Variants in LRRC28 observed in about 807,000 individuals in gnomAD.
The protein encoded by LRRC28 is leucine-rich repeat-containing protein 28.
LRRC28 carries 39 observed loss-of-function variants against 45.7 expected under a neutral mutation model. That is an observed-to-expected ratio of 0.85 (90% confidence interval 0.66 to 1.12). LRRC28 has a LOEUF of 1.12. Ranked by LOEUF, LRRC28 falls within the 50% of genes most tolerant of loss-of-function variation. The pLI, the probability that LRRC28 is intolerant of heterozygous loss-of-function variation, is 0.00. For missense variants in LRRC28, 435 were observed against 438.5 expected (o/e 0.99, Z 0.07); for synonymous variants, 206 against 178.8 (o/e 1.15, Z -1.22).
At chr15:99,346,983 A>C (rs1051300574) in intron 6 of LRRC28, among the ~76,000 whole-genome samples, 5 of 152,212 alleles carry the variant, frequency 3.3e-5, no homozygotes, top group African/African-American at 9.6e-5. Flanking sequence ...TACTGTAGAC[A>C]AACAAATGAA....
intron 3 of LRRC28, among the ~76,000 whole-genome samples, chr15:99,279,428 A>G (rs1184649288): frequency 1.3e-5 from 2 of 152,184 alleles, no homozygotes; most frequent in Non-Finnish European, 1.5e-5. Context: ...AATTTGTTTC[A>G]GTTTACAGTG....
intron 5 of LRRC28, among the ~76,000 whole-genome samples, chr15:99,304,759 C>A (rs1955119878): frequency 6.6e-6 from 1 of 152,028 alleles, no homozygotes; most frequent in Admixed American, 6.6e-5. Context: ...ATATATATTT[C>A]TTTATGTGTG....
chr15:99,378,695 T>TTATG (rs1419443629), intron 9 of LRRC28, among the ~76,000 whole-genome samples: 1 of 152,218 alleles, frequency 6.6e-6, no homozygotes, highest in Non-Finnish European at 1.5e-5. Flanking sequence ...ATAGCTCTTA[T>TTATG]TATTTTGAGA....
In LRRC28 at chr15:99,352,429, G is replaced by C. The variant is rs750885515; in HGVS notation, c.653G>C (p.Gly218Ala). ...VYVDNNIHLK[G>A]LPSYLYNKVI... ...GTGGATAACAACATTCACCTGAAAGGCTTGCCATCTTATCTGTACAATAAA... is the reference window on the plus strand; with the variant it reads ...GTGGATAACAACATTCACCTGAAAGCCTTGCCATCTTATCTGTACAATAAA... Residue 218 changes from glycine to alanine, a missense_variant, in exon 7 of 10, where the codon GGC becomes GCC. Physicochemically the swap from Gly to Ala is moderately conservative, Grantham distance 60. Transcript: ENST00000301981. 3.7e-6 allele frequency: 6 copies of C among 1,614,014 alleles called. No individual in the cohort carries two copies. Among genetic ancestry groups the C allele is most frequent in the Non-Finnish European group, 5.1e-6 (6 of 1,180,012 alleles).
chr15:99,304,465 C>T lies in LRRC28; in HGVS notation c.385+16514C>T, dbSNP rs374645845. Among the ~76,000 whole-genome samples, 3 of 151,578 alleles carry T rather than the reference C, an allele frequency of 2.0e-5. No individual in the cohort carries two copies. In the East Asian group the frequency reaches 5.8e-4, roughly 29 times the overall value. ...TTTTTTTTCAAGACAGGGTCTTACT[C>T]TGTCACCCAGGCTGGGGTGCAGTGA... On this transcript the variant is annotated intron_variant, in intron 5 of 9. Transcript: ENST00000301981.
intron 5 of LRRC28, among the ~76,000 whole-genome samples, chr15:99,293,271 A>G (rs1201963088): frequency 6.6e-6 from 1 of 152,062 alleles, no homozygotes; most frequent in Non-Finnish European, 1.5e-5. Context: ...ACTCCATTAG[A>G]TAATATTATT....
chr15:99,314,943 G>T (rs1955542730), intron 5 of LRRC28, among the ~76,000 whole-genome samples: 1 of 152,142 alleles, frequency 6.6e-6, no homozygotes, highest in Non-Finnish European at 1.5e-5. Context: ...ATCTTTGGTT[G>T]TAGCTTTCTC....
chr15:99,308,014 G>C (rs532684264), intron 5 of LRRC28, among the ~76,000 whole-genome samples: 4 of 152,308 alleles, frequency 2.6e-5, no homozygotes, highest in Admixed American at 2.0e-4. Flanking sequence ...AAACTGAGAC[G>C]AGTTAGGAAT....
At chr15:99,261,063 A>G (rs1459029751) in intron 2 of LRRC28, among the ~76,000 whole-genome samples, 1 of 151,582 alleles carries the variant, frequency 6.6e-6, no homozygotes, top group Non-Finnish European at 1.5e-5. Context: ...CTCAACCTCT[A>G]CTCTTCTCCC....
intron 9 of LRRC28, among the ~76,000 whole-genome samples, chr15:99,369,045 A>G (rs1957412769): frequency 6.6e-6 from 1 of 152,200 alleles, no homozygotes; most frequent in Non-Finnish European, 1.5e-5. Flanking sequence ...TTGCTACTTT[A>G]TAACAAGGAT....
At chr15:99,261,740 C>T (rs1033071886) in intron 2 of LRRC28, among the ~76,000 whole-genome samples, 1 of 152,040 alleles carries the variant, frequency 6.6e-6, no homozygotes, top group Admixed American at 6.6e-5. Flanking sequence ...TTACAGCAAC[C>T]TCTGCCTCCC....
At chr15:99,362,766 C>T (rs1261491211) in intron 8 of LRRC28, among the ~76,000 whole-genome samples, 1 of 152,142 alleles carries the variant, frequency 6.6e-6, no homozygotes, top group Admixed American at 6.5e-5. Context: ...TTCTCTGACT[C>T]TTATTAAAGT....
At chr15:99,268,403 G>A (rs1006688200) in intron 2 of LRRC28, among the ~76,000 whole-genome samples, 4 of 152,052 alleles carry the variant, frequency 2.6e-5, no homozygotes, top group African/African-American at 9.7e-5. Flanking sequence ...GAGGTGGCAG[G>A]GCTAGGGGTC....
intron 5 of LRRC28, among the ~76,000 whole-genome samples, chr15:99,312,590 CAG>C (rs1955453885): frequency 1.3e-5 from 2 of 152,240 alleles, no homozygotes; most frequent in African/African-American, 4.8e-5. Context: ...AAACCAGTAA[CAG>C]AGTTGTTTAT....
At chr15:99,359,581 G>A (rs1257656591) in intron 7 of LRRC28, among the ~76,000 whole-genome samples, 8 of 152,154 alleles carry the variant, frequency 5.3e-5, no homozygotes. Flanking sequence ...AAAGATCTCA[G>A]GCATTTAAAA....
intron 5 of LRRC28, among the ~76,000 whole-genome samples, chr15:99,289,660 G>T (rs8029885): frequency 6.6e-6 from 1 of 151,992 alleles, no homozygotes; most frequent in African/African-American, 2.4e-5. Flanking sequence ...CAGGCCGGGC[G>T]CGGTGGCTCA....
chr15:99,309,129 C>T (rs1169094147), intron 5 of LRRC28, among the ~76,000 whole-genome samples: 1 of 152,174 alleles, frequency 6.6e-6, no homozygotes, highest in Admixed American at 6.5e-5. Flanking sequence ...ATTTTGCTGC[C>T]ATGAGTAAAT....
intron 3 of LRRC28, among the ~76,000 whole-genome samples, chr15:99,282,176 G>GTTTTTT (rs1476287973): frequency 3.0e-5 from 1 of 33,882 alleles, no homozygotes. Flanking sequence ...AATTTTTGGA[G>GTTTTTT]GTTTTTTTTT....
chr15:99,265,407 G>A (rs1015792331), intron 2 of LRRC28, among the ~76,000 whole-genome samples: 1 of 152,122 alleles, frequency 6.6e-6, no homozygotes, highest in East Asian at 1.9e-4. Flanking sequence ...TGATGTTGAC[G>A]AACTGCTGTA....
Sources: allele counts gnomAD v4.1 joint callset (sites outside exome capture counted in the v4.1 genomes callset), GRCh38; gene constraint gnomAD v4.1.1; transcripts MANE v1.5; gene names NCBI Gene and HGNC (gene_info 2026-07-23, HGNC 2026-07-21).